The following TRDN variants were observed in gnomAD, a reference collection of about 807,000 sequenced individuals.
The protein encoded by TRDN is triadin.
In TRDN, 161 loss-of-function variants were observed where a neutral mutation model predicts 149.7. The ratio of observed to expected loss-of-function variants is 1.08; its 90% CI spans 0.95 to 1.23. The LOEUF (loss-of-function observed/expected upper bound fraction) is 1.23. TRDN is among the 50% of genes most tolerant of loss of function. The pLI is 0.00. For missense variants in TRDN, 896 were observed against 823.5 expected (o/e 1.09, Z -1.08); for synonymous variants, 294 against 250.5 (o/e 1.17, Z -1.64).
intron 12 of TRDN, among the ~76,000 whole-genome samples, chr6:123,410,363 C>T (rs1371388814): frequency 6.6e-6 from 1 of 152,086 alleles, no homozygotes; most frequent in Non-Finnish European, 1.5e-5. Context: ...TTGCAAGCAC[C>T]TAGCATCAGG....
intron 5 of TRDN, among the ~76,000 whole-genome samples, chr6:123,519,790 A>T (rs2114275865): frequency 6.6e-6 from 1 of 151,960 alleles, no homozygotes; most frequent in South Asian, 2.1e-4. Context: ...TAACAGAAAA[A>T]ATCTTTGAGG....
At chr6:123,261,437 A>T (rs909267832) in intron 33 of TRDN, among the ~76,000 whole-genome samples, 1 of 151,846 alleles carries the variant, frequency 6.6e-6, no homozygotes, top group Non-Finnish European at 1.5e-5. Flanking sequence ...CTCATACAGA[A>T]CCATGCTTTC....
chr6:123,446,436 G>A (rs191585897), intron 10 of TRDN, among the ~76,000 whole-genome samples: 11 of 151,716 alleles, frequency 7.3e-5, no homozygotes, highest in African/African-American at 2.7e-4. Context: ...GAAAAAATTA[G>A]CCAGGTGGCG....
intron 9 of TRDN, among the ~76,000 whole-genome samples, chr6:123,492,042 C>T (rs75956541): frequency 6.6e-6 from 1 of 152,112 alleles, no homozygotes; most frequent in Non-Finnish European, 1.5e-5. Flanking sequence ...AATGAGAGTA[C>T]TAACTTATTC....
At chr6:123,284,623 C>T (rs973793187) in intron 24 of TRDN, among the ~76,000 whole-genome samples, 4 of 152,136 alleles carry the variant, frequency 2.6e-5, no homozygotes, top group African/African-American at 9.6e-5. Flanking sequence ...GATGCCCACT[C>T]CCACCACTTC....
chr6:123,319,379 C>G (rs1473395627), intron 23 of TRDN, among the ~76,000 whole-genome samples: 1 of 151,708 alleles, frequency 6.6e-6, no homozygotes, highest in African/African-American at 2.4e-5. Context: ...GATGATATTT[C>G]TACTGACAGT....
chr6:123,516,177 C>G lies in TRDN; in HGVS notation c.514G>C (p.Glu172Gln), dbSNP rs1779402375. The G allele has an allele frequency of 6.7e-7, 1 of 1,488,540 alleles. No homozygotes were observed. Among genetic ancestry groups the G allele is most frequent in the Non-Finnish European group, 9.0e-7 (1 of 1,107,330 alleles). The allele number at this position is 1,488,540 out of a possible 1,614,324, so 92.2% of individuals were successfully genotyped here. Residue 172 changes from glutamate (E) to glutamine (Q), a missense_variant, in exon 6 of 41, where the codon GAA (glutamate) becomes CAA (glutamine). By Grantham distance (29) the Glu-to-Gln change is conservative. Coordinates refer to ENST00000334268, the MANE Select transcript of TRDN (RefSeq NM_006073.4). The stretch of plus-strand genomic sequence containing the variant: ...GGTTTTTCTTTTTCTCTTACTTTTT[C>G]TTTTCCTTTTTCTTTTTCTTTGTGT... ...VTHKEKEKGKEKVREKEKPEK... is the reference protein window; with the variant it reads ...VTHKEKEKGKQKVREKEKPEK...
At chr6:123,546,843 A>C (rs1411944277) in intron 4 of TRDN, among the ~76,000 whole-genome samples, 2 of 152,094 alleles carry the variant, frequency 1.3e-5, no homozygotes, top group East Asian at 3.9e-4. Context: ...ACAGTGACAC[A>C]TCACACATAC....
chr6:123,267,101 CA>C (rs768727745), intron 32 of TRDN, among the ~76,000 whole-genome samples: 23 of 69,322 alleles, frequency 3.3e-4, no homozygotes, highest in Non-Finnish European at 3.8e-4. Context: ...GATTTTGTCT[CA>C]AAAAAAAAAA....
chr6:123,485,917 T>C (rs1475701554), intron 9 of TRDN, among the ~76,000 whole-genome samples: 1 of 152,114 alleles, frequency 6.6e-6, no homozygotes, highest in Admixed American at 6.6e-5. Flanking sequence ...TATTTGCTCC[T>C]GAAATCCTTG....
intron 21 of TRDN, among the ~76,000 whole-genome samples, chr6:123,345,257 C>T (rs1443143128): frequency 6.6e-6 from 1 of 151,690 alleles, no homozygotes; most frequent in Non-Finnish European, 1.5e-5. Context: ...TTTTTGTTTT[C>T]TTTTTTATTT....
chr6:123,270,138 C>A lies in TRDN; in HGVS notation c.1721-272G>T, dbSNP rs114122644. On this transcript the variant is annotated intron_variant, in intron 30 of 40. Transcript: ENST00000334268. ...ATTGAGCTAGCTTCTTCATAATTCC[C>A]AAACATCCATACAACTGAATGAGAT... Among the ~76,000 whole-genome samples the A allele has an allele frequency of 8.1e-4, 123 of 152,066 alleles. 1 individual carries two copies. The highest frequency in any genetic ancestry group is 2.7e-3 in the African/African-American group (114 of 41,548).
intron 2 of TRDN, among the ~76,000 whole-genome samples, chr6:123,558,716 G>T (rs1781812955): frequency 6.6e-6 from 1 of 152,126 alleles, no homozygotes; most frequent in African/African-American, 2.4e-5. Context: ...CCCCACAACA[G>T]GACTTAATTA....
In TRDN at chr6:123,464,887, GAAA is replaced by G; in HGVS notation, c.931+16_931+18del. On this transcript the variant is annotated intron_variant, in intron 10 of 40. Coordinates refer to ENST00000334268, the MANE Select transcript of TRDN (RefSeq NM_006073.4). ...TTTTATCTACAATAGAGATCTTTAA[GAAA>G]AAAAAAAGTACTTGCCTTCAAGGGC... The G allele has an allele frequency of 6.9e-7, 1 of 1,454,366 alleles. No homozygotes were observed. The highest frequency in any genetic ancestry group is 9.3e-7 in the Non-Finnish European group (1 of 1,078,190). 90.1% of individuals were successfully genotyped at this position (1,454,366 alleles called of 1,614,324 possible). A position where few individuals can be genotyped will look rare whatever the true frequency, so the allele number is the denominator to read the frequency against.
intron 13 of TRDN, among the ~76,000 whole-genome samples, chr6:123,392,320 A>G (rs1772520747): frequency 6.6e-6 from 1 of 152,032 alleles, no homozygotes; most frequent in African/African-American, 2.4e-5. Flanking sequence ...TTTCCTCCTC[A>G]TGAATGCCTC....
intron 8 of TRDN, among the ~76,000 whole-genome samples, chr6:123,499,379 A>G (rs1778581280): frequency 6.6e-6 from 1 of 152,014 alleles, no homozygotes; most frequent in Non-Finnish European, 1.5e-5. Flanking sequence ...TTGAAATATT[A>G]TCAAAGTACA....
intron 14 of TRDN, among the ~76,000 whole-genome samples, chr6:123,383,149 G>A (rs2114424214): frequency 6.6e-6 from 1 of 151,982 alleles, no homozygotes; most frequent in African/African-American, 2.4e-5. Context: ...GAGGTGTGGT[G>A]GTATCACGAC....
At chr6:123,571,299 T>G (rs1040761502) in intron 1 of TRDN, among the ~76,000 whole-genome samples, 167 bp from the exon 2 acceptor site, 20 of 152,178 alleles carry the variant, frequency 1.3e-4, no homozygotes. Flanking sequence ...ACATTATCTT[T>G]TCCTCAGCAT....
In TRDN at chr6:123,541,225, A is replaced by T. The variant is rs111268160; in HGVS notation, c.424+6115T>A. Among the ~76,000 whole-genome samples, 303 of 151,614 alleles carry T rather than the reference A, an allele frequency of 2.0e-3. 1 individual carries two copies. The highest frequency in any genetic ancestry group is 6.7e-3 in the African/African-American group (278 of 41,296). ...GGGCCTGAGTTGAGTTGCCTCAGAG[A>T]CTCTTTTAATTCCTTCTGATGTTGG... On this transcript the variant is annotated intron_variant, in intron 4 of 40. Transcript: ENST00000334268.
Sources: allele counts gnomAD v4.1 joint callset (sites outside exome capture counted in the v4.1 genomes callset), GRCh38; gene constraint gnomAD v4.1.1; transcripts MANE v1.5; gene names NCBI Gene and HGNC (gene_info 2026-07-23, HGNC 2026-07-21).